Variants in YEATS2 observed in about 807,000 individuals in gnomAD.
YEATS2 encodes the protein YEATS domain-containing protein 2.
In YEATS2, 77 loss-of-function variants were observed where a neutral mutation model predicts 163.2. The ratio of observed to expected loss-of-function variants is 0.47; its 90% CI spans 0.39 to 0.57. YEATS2 has a LOEUF of 0.57. YEATS2 is among the 20% of genes least tolerant of loss of function. The pLI is 0.00. For missense variants in YEATS2, 1,549 were observed against 1,729.8 expected (o/e 0.90, Z 1.85); for synonymous variants, 631 against 645.1 (o/e 0.98, Z 0.33).
chr3:183,793,152 C>T, intron 21 of YEATS2: 2 of 1,283,912 alleles, frequency 1.6e-6, no homozygotes, highest in Non-Finnish European at 2.0e-6. Context: ...CACTGGTCTA[C>T]CGGAAAAACT....
At chr3:183,741,365 A>C (rs1341132721) in intron 8 of YEATS2, among the ~76,000 whole-genome samples, 1 of 152,156 alleles carries the variant, frequency 6.6e-6, no homozygotes, top group Non-Finnish European at 1.5e-5. Context: ...CTGGGTGACA[A>C]CACATCTGTT....
chr3:183,717,589 A>C, intron 2 of YEATS2, 62 bp from the exon 3 acceptor site: 1 of 1,236,904 alleles, frequency 8.1e-7, no homozygotes, highest in South Asian at 1.5e-5. Flanking sequence ...TTGCTTGCTG[A>C]CTTAAATAAA....
rs143849568 is a variant in YEATS2 at position 183,808,798 on chromosome 3, C to G, written c.4087-299C>G. ...TTGAACCCGGGAGGCGGAGGTTGCA[C>G]TGAGCCAAGATCGCGCCACTGCGCT... On this transcript the variant is annotated intron_variant, in intron 29 of 30. Coordinates refer to ENST00000305135, the MANE Select transcript of YEATS2 (RefSeq NM_018023.5). 0.011 allele frequency: 2,609 copies of G among 242,164 alleles called. 108 individuals are homozygous for G. The East Asian group carries it at 0.14, about 13-fold the overall frequency. 15.0% of individuals were successfully genotyped at this position (242,164 alleles called of 1,614,324 possible).
intron 15 of YEATS2, among the ~76,000 whole-genome samples, chr3:183,764,402 T>C (rs928828462): frequency 2.2e-5 from 3 of 138,568 alleles, no homozygotes; most frequent in Non-Finnish European, 1.5e-5. Flanking sequence ...AGATATCATA[T>C]AGATGTTTTT....
At chr3:183,799,948 T>C (rs1388034984) in intron 23 of YEATS2, among the ~76,000 whole-genome samples, 2 of 150,150 alleles carry the variant, frequency 1.3e-5, no homozygotes, top group Non-Finnish European at 3.0e-5. Context: ...TTCTCCTGCC[T>C]CAGCCTCCTG....
At chr3:183,801,364 A>G in intron 24 of YEATS2, 91 bp from the exon 25 acceptor site, 1 of 825,520 alleles carries the variant, frequency 1.2e-6, no homozygotes, top group Middle Eastern at 3.8e-4. Context: ...TCAGAACGGA[A>G]TATATCCATT....
intron 9 of YEATS2, 90 bp from the exon 10 acceptor site, chr3:183,751,983 C>A: frequency 7.1e-7 from 1 of 1,406,130 alleles, no homozygotes; most frequent in Non-Finnish European, 9.9e-7. Context: ...TTATCTCTCA[C>A]ATCCCGGAGA....
At chr3:183,764,100 G>T (rs536430289) in intron 15 of YEATS2, among the ~76,000 whole-genome samples, 2 of 152,066 alleles carry the variant, frequency 1.3e-5, no homozygotes, top group African/African-American at 4.8e-5. Flanking sequence ...GGCTGGGCAC[G>T]GTGGCTCACG....
At chr3:183,775,815 G>T in intron 17 of YEATS2, 100 bp from the exon 18 acceptor site, 1 of 1,546,302 alleles carries the variant, frequency 6.5e-7, no homozygotes. Flanking sequence ...AAGAAGGAAT[G>T]GCACTAAAAG....
In YEATS2 at chr3:183,808,054, G is replaced by T; in HGVS notation, c.4036G>T (p.Ala1346Ser). 1 of 1,563,506 alleles carries T rather than the reference G, an allele frequency of 6.4e-7. No homozygotes were observed. The highest frequency in any genetic ancestry group is 8.7e-7 in the Non-Finnish European group (1 of 1,153,204). ...GATTGGGATCACCCTGCAGCCCGTGGCACTCCACAGGAACGTGTATGCGTC... is the reference window on the plus strand; with the variant it reads ...GATTGGGATCACCCTGCAGCCCGTGTCACTCCACAGGAACGTGTATGCGTC... ...QKIGITLQPV[A>S]LHRNVYASVV... Residue 1346 changes from alanine (A) to serine (S), a missense_variant, in exon 29 of 31, where the codon GCA becomes TCA. Transcript: ENST00000305135.
rs770741130 is a variant in YEATS2, at chr3:183,812,601, A to G, written c.*2018A>G. ...GTATAATTGTGTAACAAAATTGTCT[A>G]CAATAAATCTTTTGGTATTTGTGGT... On this transcript the variant is annotated 3_prime_UTR_variant, in exon 31 of 31. Transcript: ENST00000305135. 3 of 152,670 alleles carry G rather than the reference A, an allele frequency of 2.0e-5. No individual in the cohort carries two copies. The highest frequency in any genetic ancestry group is 2.9e-5 in the Non-Finnish European group (2 of 68,042). The allele number at this position is 152,670 out of a possible 1,614,324, so 9.5% of individuals were successfully genotyped here.
intron 15 of YEATS2, among the ~76,000 whole-genome samples, chr3:183,764,231 C>A (rs1379662873): frequency 5.9e-5 from 9 of 151,636 alleles, no homozygotes; most frequent in African/African-American, 2.2e-4. Flanking sequence ...ATTAGGTGGA[C>A]ATGGTGTCGG....
intron 23 of YEATS2, among the ~76,000 whole-genome samples, chr3:183,799,571 G>A (rs1725466018): frequency 2.0e-5 from 3 of 152,152 alleles, no homozygotes; most frequent in Admixed American, 6.5e-5. Flanking sequence ...AGACTTTGGC[G>A]AGCTGTCAGT....
Position 183,756,528 on chromosome 3 carries a change from G to A in YEATS2, c.1391G>A (p.Gly464Asp). ...PITMSCKIVSGSPISTPSPSP... is the reference protein window; with the variant it reads ...PITMSCKIVSDSPISTPSPSP... The stretch of plus-strand genomic sequence containing the variant: ...GTATTCTCTCTTTTTAATTAATAAG[G>A]TTCCCCAATATCAACTCCAAGCCCA... Residue 464 changes from glycine to aspartate, a missense_variant and splice_region_variant, in exon 12 of 31, where the codon GGT becomes GAT. Physicochemically the swap from Gly to Asp is moderately conservative, Grantham distance 94. Transcript: ENST00000305135. 1 of 1,540,382 alleles carries A rather than the reference G, an allele frequency of 6.5e-7. No individual in the cohort carries two copies. The highest frequency in any genetic ancestry group is 8.7e-7 in the Non-Finnish European group (1 of 1,146,894).
chr3:183,715,243 T>G lies in YEATS2; in HGVS notation c.81T>G (p.His27Gln). The change falls in exon 2 of 31, where the codon CAT becomes CAG. Residue 27 changes from histidine (H) to glutamine (Q), a missense_variant. Transcript: ENST00000305135. ...DVSVALPNKR[H>Q]KAIENSARDA... The stretch of plus-strand genomic sequence containing the variant: ...CTGTGGCCCTTCCAAATAAGCGGCA[T>G]AAAGCAATTGAGAATTCAGGTAGAA... 1.9e-6 allele frequency: 3 copies of G among 1,609,390 alleles called. No homozygotes were observed. Among genetic ancestry groups the G allele is most frequent in the Non-Finnish European group, 8.5e-7 (1 of 1,179,174 alleles).
intron 19 of YEATS2, 46 bp from the exon 20 acceptor site, chr3:183,786,079 A>G (rs780677496): frequency 1.7e-5 from 27 of 1,587,660 alleles, no homozygotes; most frequent in East Asian, 1.1e-4. Flanking sequence ...AGTTATGTCT[A>G]TTATCCAAGG....
intron 9 of YEATS2, among the ~76,000 whole-genome samples, chr3:183,751,223 T>C (rs1019116561): frequency 2.6e-5 from 4 of 152,212 alleles, no homozygotes; most frequent in African/African-American, 9.7e-5. Flanking sequence ...CACTGAATGG[T>C]CTTGGGACCC....
At position 183,761,546 on chromosome 3, in the gene YEATS2, C is replaced by T; in HGVS notation, c.1696C>T (p.Pro566Ser). 6.2e-7 allele frequency: 1 copy of T among 1,614,096 alleles called. No homozygotes were observed. Among genetic ancestry groups the T allele is most frequent in the South Asian group, 1.1e-5 (1 of 91,084 alleles). The part of the protein sequence containing the change: ...SLFASMPPLC[P>S]IGSHPKVQSP... ...GTTTGCATCTATGCCACCTCTTTGC[C>T]CAATTGGGAGTCACCCTAAGGTTCA... The change falls in exon 14 of 31, where the codon CCA becomes TCA. Residue 566 changes from proline (P) to serine (S), a missense_variant. Transcript: ENST00000305135.
intron 27 of YEATS2, chr3:183,806,386 C>T (rs868288637): frequency 3.3e-5 from 15 of 456,470 alleles, no homozygotes; most frequent in Admixed American, 2.3e-4. Context: ...GCCTTGAGGT[C>T]CTCACACTCC....
Sources: gnomAD v4.1 joint callset for allele counts (sites outside exome capture counted in the v4.1 genomes callset) on GRCh38, gnomAD v4.1.1 for gene constraint, MANE v1.5 for transcripts, NCBI Gene and HGNC (gene_info 2026-07-23, HGNC 2026-07-21) for gene names.